MAP3K5: variants seen among roughly 807,000 people sequenced by gnomAD.
MAP3K5 encodes the protein ASK-1.
Under a neutral mutation model 158.7 loss-of-function variants are expected in MAP3K5, and 56 were observed. The observed-to-expected ratio is 0.35, with a 90% CI of 0.28 to 0.44. The LOEUF (loss-of-function observed/expected upper bound fraction) is 0.44, where lower values mean the gene tolerates loss of function less well. MAP3K5 is among the 20% of genes least tolerant of loss of function. The pLI, the probability that MAP3K5 is intolerant of heterozygous loss-of-function variation, is 1.00. For synonymous variants in MAP3K5, 579 were observed against 601.7 expected, an observed-to-expected ratio of 0.96 and a Z score of 0.55; for missense variants, 1,294 against 1,674.8, an observed-to-expected ratio of 0.77 and a Z score of 3.97.
intron 1 of MAP3K5, among the ~76,000 whole-genome samples, chr6:136,778,210 C>G (rs1433644761): frequency 1.3e-5 from 2 of 151,918 alleles, no homozygotes; most frequent in Non-Finnish European, 2.9e-5. Context: ...TTAATACAAT[C>G]TTGGAATTTA....
At chr6:136,731,444 G>C (rs188898037) in intron 1 of MAP3K5, among the ~76,000 whole-genome samples, 3 of 152,088 alleles carry the variant, frequency 2.0e-5, no homozygotes, top group Admixed American at 6.6e-5. Flanking sequence ...CTAAGTTTTC[G>C]GCACTCCTTG....
intron 3 of MAP3K5, among the ~76,000 whole-genome samples, chr6:136,699,276 C>T (rs539856399): frequency 6.6e-6 from 1 of 152,294 alleles, no homozygotes; most frequent in Non-Finnish European, 1.5e-5. Context: ...TTGTCCATTT[C>T]CCTCCATCTT....
Position 136,703,035 on chromosome 6 carries a change from T to A in MAP3K5, c.612+2075A>T, listed in dbSNP as rs551934126. Reference sequence around the variant, plus strand: ...TCACCGTTTTTTCTTTCTTTTTTTTTAAAAAAACCTCCAATTCTGGTTTTC... The same window carrying A: ...TCACCGTTTTTTCTTTCTTTTTTTTAAAAAAAACCTCCAATTCTGGTTTTC... On this transcript the variant is annotated intron_variant, in intron 3 of 29. Transcript: ENST00000359015. Among the ~76,000 whole-genome samples, 715 of 152,206 alleles carry A rather than the reference T, an allele frequency of 4.7e-3. 5 individuals are homozygous for A. The highest frequency in any genetic ancestry group is 1.0e-2 in the South Asian group (48 of 4,824).
chr6:136,566,805 C>T (rs1774131090), intron 26 of MAP3K5, among the ~76,000 whole-genome samples: 1 of 152,066 alleles, frequency 6.6e-6, no homozygotes, highest in Non-Finnish European at 1.5e-5. Context: ...TACAAGCTTG[C>T]CTTTAAAAAC....
intron 7 of MAP3K5, among the ~76,000 whole-genome samples, chr6:136,677,942 G>A (rs763319658): frequency 5.8e-4 from 88 of 152,264 alleles, no homozygotes; most frequent in Non-Finnish European, 1.1e-3. Flanking sequence ...TTCTAATTCT[G>A]ACAACTCTTT....
intron 15 of MAP3K5, among the ~76,000 whole-genome samples, chr6:136,616,949 C>G (rs1430975864): frequency 6.6e-6 from 1 of 151,882 alleles, no homozygotes; most frequent in African/African-American, 2.4e-5. Flanking sequence ...AACTCCTGAG[C>G]TCAAGTGATC....
At chr6:136,682,410 T>C (rs1202594223) in intron 7 of MAP3K5, among the ~76,000 whole-genome samples, 2 of 152,164 alleles carry the variant, frequency 1.3e-5, no homozygotes, top group African/African-American at 4.8e-5. Context: ...AAATGGAAAA[T>C]TGACATTGGT....
chr6:136,615,296 G>C (rs1355364945), intron 15 of MAP3K5, among the ~76,000 whole-genome samples: 1 of 152,174 alleles, frequency 6.6e-6, no homozygotes, highest in African/African-American at 2.4e-5. Context: ...AGCTTGAGCA[G>C]GAAGAAAAAC....
In MAP3K5 at chr6:136,592,750, G is replaced by A. The variant is rs386443417; in HGVS notation, c.2879-136C>T. 1.2e-4 allele frequency: 97 copies of A among 808,886 alleles called. No homozygotes were observed. In the African/African-American group the frequency reaches 1.6e-3, roughly 13 times the overall value. 50.1% of individuals were successfully genotyped at this position (808,886 alleles called of 1,614,324 possible). Reference sequence around the variant, plus strand: ...AGCAGCATAATTATGCTATGTAAGGGAACGGTCATGTGTTATGACTGCCTC... The same window carrying A: ...AGCAGCATAATTATGCTATGTAAGGAAACGGTCATGTGTTATGACTGCCTC... On this transcript the variant is annotated intron_variant, in intron 21 of 29. Coordinates refer to ENST00000359015, the MANE Select transcript of MAP3K5 (RefSeq NM_005923.4).
At chr6:136,596,577 G>A (rs1775641909) in intron 21 of MAP3K5, among the ~76,000 whole-genome samples, 1 of 152,000 alleles carries the variant, frequency 6.6e-6, no homozygotes. Flanking sequence ...ATTAGAGCAT[G>A]TGTATATGGA....
chr6:136,727,119 A>C (rs1782002891), intron 1 of MAP3K5, among the ~76,000 whole-genome samples: 1 of 152,234 alleles, frequency 6.6e-6, no homozygotes, highest in South Asian at 2.1e-4. Flanking sequence ...AGTAAAATAA[A>C]CAGGTGAAAA....
At chr6:136,722,698 C>A (rs2114789003) in intron 1 of MAP3K5, among the ~76,000 whole-genome samples, 3 of 112,696 alleles carry the variant, frequency 2.7e-5, no homozygotes, top group East Asian at 2.6e-4. Flanking sequence ...TTTTTTAAGG[C>A]AGACAGTTCT....
rs140365564 is a variant in MAP3K5 at position 136,643,901 on chromosome 6, A to AATAT, written c.1789-1336_1789-1333dup. On this transcript the variant is annotated intron_variant, in intron 11 of 29. Transcript: ENST00000359015. ...CCTGTTGGCCTCAGGTGAACTTCTA[A>AATAT]ATATATATATATATATATGACCCAG... is the stretch of plus-strand genomic sequence containing the variant. 4.4e-3 allele frequency among the ~76,000 whole-genome samples: 660 copies of AATAT among 148,718 alleles called. 10 individuals are homozygous for AATAT. Among genetic ancestry groups the AATAT allele is most frequent in the African/African-American group, 0.015 (592 of 40,706 alleles).
At chr6:136,671,677 G>A (rs190250025) in intron 7 of MAP3K5, among the ~76,000 whole-genome samples, 53 of 152,258 alleles carry the variant, frequency 3.5e-4, no homozygotes, top group Non-Finnish European at 6.8e-4. Flanking sequence ...GCAGTGACAC[G>A]ATCTCAGCTC....
intron 1 of MAP3K5, among the ~76,000 whole-genome samples, chr6:136,769,434 T>G (rs1410848048): frequency 6.6e-6 from 1 of 152,100 alleles, no homozygotes; most frequent in Non-Finnish European, 1.5e-5. Context: ...TTGGTGATGG[T>G]TGCACACTTT....
At chr6:136,715,442 A>G (rs746989855) in intron 2 of MAP3K5, among the ~76,000 whole-genome samples, 20 of 152,232 alleles carry the variant, frequency 1.3e-4, no homozygotes, top group Non-Finnish European at 2.4e-4. Flanking sequence ...ATTTAGAACT[A>G]TAACATTACA....
chr6:136,649,873 A>G (rs1488259778), intron 11 of MAP3K5, among the ~76,000 whole-genome samples: 3 of 152,234 alleles, frequency 2.0e-5, no homozygotes, highest in Non-Finnish European at 4.4e-5. Flanking sequence ...ACAGATGAGG[A>G]CACCATAGCT....
chr6:136,590,311 T>TG lies in MAP3K5; in HGVS notation c.3225+1861dup, dbSNP rs199676225. Among the ~76,000 whole-genome samples the TG allele has an allele frequency of 7.1e-3, 1,083 of 152,256 alleles. 9 individuals carry two copies. The highest frequency in any genetic ancestry group is 0.024 in the African/African-American group (998 of 41,538). ...TGTATTCTATTATAGCAACAGAAAA[T>TG]GGACTAAAACACAGCCCTAGCAAAC... On this transcript the variant is annotated intron_variant, in intron 23 of 29. Coordinates refer to ENST00000359015, the MANE Select transcript of MAP3K5 (RefSeq NM_005923.4).
At chr6:136,585,516 T>TA (rs77950160) in intron 23 of MAP3K5, among the ~76,000 whole-genome samples, 10 of 142,078 alleles carry the variant, frequency 7.0e-5, no homozygotes, top group East Asian at 2.2e-4. Flanking sequence ...TTTATTTATT[T>TA]TTTGACAAAG....
Sources: allele counts gnomAD v4.1 joint callset (sites outside exome capture counted in the v4.1 genomes callset), GRCh38; gene constraint gnomAD v4.1.1; transcripts MANE v1.5; gene names NCBI Gene and HGNC (gene_info 2026-07-23, HGNC 2026-07-21).